The following KIAA0825 variants were observed in gnomAD, a reference collection of about 807,000 sequenced individuals.
KIAA0825 encodes KIAA0825.
KIAA0825 carries 119 observed loss-of-function variants against 147.6 expected under a neutral mutation model. The observed-to-expected ratio is 0.81, with a 90% confidence interval of 0.69 to 0.94. KIAA0825 has a LOEUF of 0.94. Among genes scored for constraint, KIAA0825 ranks in the 40% least tolerant of loss-of-function variants. KIAA0825 has a pLI of 0.00. For missense variants in KIAA0825, 1,381 were observed against 1,472.7 expected, an observed-to-expected ratio of 0.94 and a Z score of 1.02; for synonymous variants, 470 against 518.1, an observed-to-expected ratio of 0.91 and a Z score of 1.26.
Position 94,312,928 on chromosome 5 carries a change from G to T in KIAA0825, c.3710+71440C>A, listed in dbSNP as rs191622062. ...AATATTCTTTACTTTCTTTCCTGAA[G>T]GACACGAATCAAAATTATCAACACA... On this transcript the variant is annotated intron_variant, in intron 20 of 20. Coordinates refer to ENST00000682413, the MANE Select transcript of KIAA0825 (RefSeq NM_001145678.3). 2.0e-5 allele frequency among the ~76,000 whole-genome samples: 3 copies of T among 151,554 alleles called. No individual in the cohort carries two copies. In the East Asian group the frequency reaches 5.9e-4, roughly 30 times the overall value.
chr5:94,442,656 G>A (rs955135361), intron 13 of KIAA0825, among the ~76,000 whole-genome samples: 8 of 152,076 alleles, frequency 5.3e-5, no homozygotes, highest in African/African-American at 1.9e-4. Context: ...ATGCTCCCTT[G>A]GGGTTCAATG....
At chr5:94,560,956 T>C (rs1777451241) in intron 2 of KIAA0825, among the ~76,000 whole-genome samples, 2 of 152,364 alleles carry the variant, frequency 1.3e-5, no homozygotes, top group South Asian at 4.1e-4. Flanking sequence ...TTGAAATGTC[T>C]CTTGTTATTC....
At chr5:94,202,604 G>T (rs1162504859) in intron 20 of KIAA0825, among the ~76,000 whole-genome samples, 2 of 152,170 alleles carry the variant, frequency 1.3e-5, no homozygotes, top group East Asian at 3.8e-4. Flanking sequence ...ACTGGGGAAA[G>T]AAATATCAGT....
chr5:94,201,144 G>A (rs1225376757), intron 20 of KIAA0825, among the ~76,000 whole-genome samples: 1 of 150,318 alleles, frequency 6.7e-6, no homozygotes, highest in Non-Finnish European at 1.5e-5. Context: ...ACAGGTGCTT[G>A]AGACTCTGAG....
chr5:94,480,513 G>GA (rs1454290858), intron 6 of KIAA0825, among the ~76,000 whole-genome samples: 5 of 151,988 alleles, frequency 3.3e-5, no homozygotes, highest in African/African-American at 1.2e-4. Context: ...ATTTACTTTG[G>GA]AAAAATAATA....
chr5:94,185,740 A>G (rs1159764762), intron 20 of KIAA0825, among the ~76,000 whole-genome samples: 3 of 152,198 alleles, frequency 2.0e-5, no homozygotes, highest in African/African-American at 7.2e-5. Context: ...CTTAAAGAGT[A>G]GAGATTCAAA....
chr5:94,159,066 C>A (rs1767305895), intron 20 of KIAA0825, among the ~76,000 whole-genome samples: 1 of 152,130 alleles, frequency 6.6e-6, no homozygotes, highest in African/African-American at 2.4e-5. Context: ...TTAACAACAG[C>A]AGGGCTGATG....
At chr5:94,309,202 A>G (rs1269793981) in intron 20 of KIAA0825, among the ~76,000 whole-genome samples, 1 of 151,820 alleles carries the variant, frequency 6.6e-6, no homozygotes, top group South Asian at 2.1e-4. Flanking sequence ...ATAAAGATGC[A>G]TAAGACATAG....
intron 20 of KIAA0825, among the ~76,000 whole-genome samples, chr5:94,271,177 T>C (rs1776964821): frequency 6.6e-6 from 1 of 152,028 alleles, no homozygotes; most frequent in African/African-American, 2.4e-5. Context: ...AAGAAAACAT[T>C]ATAAGAACTC....
At chr5:94,424,281 G>A (rs879889114) in intron 14 of KIAA0825, among the ~76,000 whole-genome samples, 2 of 152,026 alleles carry the variant, frequency 1.3e-5, no homozygotes, top group African/African-American at 2.4e-5. Flanking sequence ...TAGACCATAT[G>A]TTAGAAGCCA....
chr5:94,253,190 C>T (rs956652450), intron 20 of KIAA0825, among the ~76,000 whole-genome samples: 12 of 152,018 alleles, frequency 7.9e-5, no homozygotes, highest in Admixed American at 5.9e-4. Flanking sequence ...TTGTACAACT[C>T]TTGGTTTTTT....
intron 5 of KIAA0825, among the ~76,000 whole-genome samples, chr5:94,501,015 G>A (rs897953545): frequency 6.6e-6 from 1 of 151,848 alleles, no homozygotes; most frequent in African/African-American, 2.4e-5. Flanking sequence ...CTCAGCCTCC[G>A]AAAGTGCTGG....
chr5:94,259,614 T>G (rs1327844877), intron 20 of KIAA0825, among the ~76,000 whole-genome samples: 1 of 152,070 alleles, frequency 6.6e-6, no homozygotes, highest in Non-Finnish European at 1.5e-5. Flanking sequence ...ATGACTTTTT[T>G]ATAGTTTCCA....
At chr5:94,180,018 G>T (rs1305749062) in intron 20 of KIAA0825, among the ~76,000 whole-genome samples, 5 of 151,992 alleles carry the variant, frequency 3.3e-5, no homozygotes, top group African/African-American at 1.2e-4. Context: ...GTGGGTAAAA[G>T]TTTATGCAAA....
At chr5:94,568,595 A>T (rs1779215023) in intron 2 of KIAA0825, 1 of 152,398 alleles carries the variant, frequency 6.6e-6, no homozygotes, top group African/African-American at 2.4e-5. Context: ...CTTAAAACTC[A>T]CAGCCCTAGG....
At chr5:94,346,593 G>A (rs1359799178) in intron 20 of KIAA0825, among the ~76,000 whole-genome samples, 3 of 152,120 alleles carry the variant, frequency 2.0e-5, no homozygotes, top group Non-Finnish European at 4.4e-5. Flanking sequence ...AGAAGTTTGC[G>A]ACTTTACCTG....
At chr5:94,158,935 A>G (rs961735512) in intron 20 of KIAA0825, among the ~76,000 whole-genome samples, 4 of 152,214 alleles carry the variant, frequency 2.6e-5, no homozygotes, top group Admixed American at 1.3e-4. Flanking sequence ...ATTATTTGGC[A>G]TATTGGTTAA....
intron 1 of KIAA0825, among the ~76,000 whole-genome samples, chr5:94,590,139 C>T (rs1784084845): frequency 6.6e-6 from 1 of 152,094 alleles, no homozygotes; most frequent in African/African-American, 2.4e-5. Context: ...GGACTACAGG[C>T]ATGCGCCACC....
intron 20 of KIAA0825, among the ~76,000 whole-genome samples, chr5:94,286,388 A>C (rs1354864005): frequency 6.6e-6 from 1 of 152,122 alleles, no homozygotes; most frequent in African/African-American, 2.4e-5. Flanking sequence ...TATAATGATC[A>C]AATACCCTGA....
Sources: gnomAD v4.1 joint callset for allele counts (sites outside exome capture counted in the v4.1 genomes callset) on GRCh38, gnomAD v4.1.1 for gene constraint, MANE v1.5 for transcripts, NCBI Gene and HGNC (gene_info 2026-07-23, HGNC 2026-07-21) for gene names.